PPFIBP1: variants seen among roughly 807,000 people sequenced by gnomAD.
PPFIBP1 encodes liprin-beta-1.
PPFIBP1 carries 112 observed loss-of-function variants against 137.8 expected under a neutral mutation model. That is an observed-to-expected ratio of 0.81 (90% CI 0.70 to 0.95). PPFIBP1 has a LOEUF of 0.95. Ranked by LOEUF, PPFIBP1 falls within the 40% of genes least tolerant of loss-of-function variation. The probability of loss-of-function intolerance (pLI) is 0.00; values close to 1 mark genes in which losing one functional copy is unlikely to be tolerated. For missense variants in PPFIBP1, 1,083 were observed against 1,196.6 expected (o/e 0.91, Z 1.40); for synonymous variants, 378 against 417.3 (o/e 0.91, Z 1.15).
At chr12:27,554,517 T>G (rs1947085438) in intron 1 of PPFIBP1, among the ~76,000 whole-genome samples, 1 of 152,084 alleles carries the variant, frequency 6.6e-6, no homozygotes, top group Admixed American at 6.5e-5. Context: ...TAAAGTGAAG[T>G]TGATAATGCT....
At chr12:27,667,797 C>T (rs1290730193) in intron 13 of PPFIBP1, among the ~76,000 whole-genome samples, 2 of 152,184 alleles carry the variant, frequency 1.3e-5, no homozygotes, top group Non-Finnish European at 2.9e-5. Context: ...GTGGTTGAGG[C>T]TGGCCTTTGG....
chr12:27,530,867 A>G (rs908149939), intron 1 of PPFIBP1, among the ~76,000 whole-genome samples: 1 of 152,184 alleles, frequency 6.6e-6, no homozygotes, highest in Non-Finnish European at 1.5e-5. Flanking sequence ...CGCGTGACCA[A>G]AGACAAGATG....
chr12:27,587,622 C>CAAAAAA (rs35185831), intron 2 of PPFIBP1, among the ~76,000 whole-genome samples: 3 of 73,508 alleles, frequency 4.1e-5, no homozygotes, highest in Admixed American at 3.5e-4. Context: ...GACTCCATCT[C>CAAAAAA]AAAAAAAAAA....
At position 27,567,679 on chromosome 12, in the gene PPFIBP1, A is replaced by G. The variant is rs181423917; in HGVS notation, c.-123-10473A>G. On this transcript the variant is annotated intron_variant, in intron 1 of 29. Coordinates refer to ENST00000228425, the MANE Select transcript of PPFIBP1 (RefSeq NM_003622.4). ...TGTTGGTACATCTTTGACATTTTCC[A>G]TAATGAAAGTTTCAGGAAAAAAAAT... is the stretch of plus-strand genomic sequence containing the variant. Among the ~76,000 whole-genome samples, 8 of 152,268 alleles carry G rather than the reference A, an allele frequency of 5.3e-5. No individual in the cohort carries two copies. In the East Asian group the frequency reaches 1.5e-3, roughly 29 times the overall value.
chr12:27,591,596 A>G (rs1441540691), intron 2 of PPFIBP1, among the ~76,000 whole-genome samples: 1 of 152,180 alleles, frequency 6.6e-6, no homozygotes, highest in African/African-American at 2.4e-5. Flanking sequence ...TTGTCTGGAG[A>G]GTTCCTCAGG....
intron 11 of PPFIBP1, among the ~76,000 whole-genome samples, chr12:27,662,235 C>T (rs566476732): frequency 1.3e-5 from 2 of 152,232 alleles, no homozygotes; most frequent in South Asian, 2.1e-4. Context: ...GTCTCGAGAC[C>T]AGGTTTGAAA....
At chr12:27,647,172 T>C (rs530507185) in intron 5 of PPFIBP1, among the ~76,000 whole-genome samples, 112 of 152,198 alleles carry the variant, frequency 7.4e-4, no homozygotes, top group African/African-American at 2.3e-3. Context: ...CAGCTAATTT[T>C]GTATTTTTAG....
chr12:27,679,814 T>A, intron 20 of PPFIBP1, 119 bp from the exon 21 acceptor site: 2 of 1,406,854 alleles, frequency 1.4e-6, no homozygotes, highest in Non-Finnish European at 1.9e-6. Flanking sequence ...AATTTAAATG[T>A]CTATGTTAAC....
Position 27,691,030 on chromosome 12 carries a change from G to A in PPFIBP1, c.2686-719G>A, listed in dbSNP as rs1184697839. Among the ~76,000 whole-genome samples the A allele has an allele frequency of 3.3e-5, 5 of 150,148 alleles. No homozygotes were observed. In the Admixed American group the frequency reaches 3.3e-4, roughly 10 times the overall value. ...TTTTTTTTACCCCCTCTATCTGCCT[G>A]AGTATCCAGTGACCAACCCAGTGAC... On this transcript the variant is annotated intron_variant, in intron 27 of 29. Transcript: ENST00000228425.
chr12:27,685,410 A>C (rs1406604594), intron 24 of PPFIBP1, among the ~76,000 whole-genome samples: 1 of 152,204 alleles, frequency 6.6e-6, no homozygotes, highest in African/African-American at 2.4e-5. Flanking sequence ...CACAGTTAGC[A>C]ATAGAAAGTC....
chr12:27,683,647 C>T (rs2061015306), intron 24 of PPFIBP1, among the ~76,000 whole-genome samples: 1 of 152,210 alleles, frequency 6.6e-6, no homozygotes, highest in South Asian at 2.1e-4. Flanking sequence ...TTCTAGCCCT[C>T]CAGCCAATGT....
chr12:27,629,491 A>G (rs948931055), intron 2 of PPFIBP1, among the ~76,000 whole-genome samples: 1 of 152,198 alleles, frequency 6.6e-6, no homozygotes. Context: ...TAAAAGTATC[A>G]TACAGTACAT....
chr12:27,666,760 C>T (rs574329027), intron 12 of PPFIBP1, among the ~76,000 whole-genome samples: 1 of 152,308 alleles, frequency 6.6e-6, no homozygotes, highest in East Asian at 1.9e-4. Flanking sequence ...TTAAATGGGA[C>T]TTTGTTGCTA....
intron 1 of PPFIBP1, among the ~76,000 whole-genome samples, chr12:27,557,746 A>T (rs930476100): frequency 1.3e-5 from 2 of 152,190 alleles, no homozygotes; most frequent in Non-Finnish European, 2.9e-5. Flanking sequence ...CACTGTTGGC[A>T]TAGTACATTT....
At chr12:27,569,491 T>C (rs879279446) in intron 1 of PPFIBP1, among the ~76,000 whole-genome samples, 1 of 152,100 alleles carries the variant, frequency 6.6e-6, no homozygotes. Context: ...TGTCAAAAAG[T>C]CTCCCTTCCT....
chr12:27,576,912 C>T (rs2050614736), intron 1 of PPFIBP1, among the ~76,000 whole-genome samples: 1 of 152,174 alleles, frequency 6.6e-6, no homozygotes, highest in Non-Finnish European at 1.5e-5. Flanking sequence ...GTCCTAGGAG[C>T]TCACTTTGAA....
chr12:27,693,002 G>T lies in PPFIBP1; in HGVS notation c.*120G>T. Reference sequence around the variant, plus strand: ...ATTGTTTGTTGTTCCAACTTCTGCTGTCGAGAAGTTTAAACAGAAAGCAGG... The same window carrying T: ...ATTGTTTGTTGTTCCAACTTCTGCTTTCGAGAAGTTTAAACAGAAAGCAGG... On this transcript the variant is annotated 3_prime_UTR_variant, in exon 30 of 30. Coordinates refer to ENST00000228425, the MANE Select transcript of PPFIBP1 (RefSeq NM_003622.4). The T allele has an allele frequency of 7.0e-7, 1 of 1,431,600 alleles. No individual in the cohort carries two copies. The highest frequency in any genetic ancestry group is 1.4e-5 in the African/African-American group (1 of 70,096). 88.7% of individuals were successfully genotyped at this position (1,431,600 alleles called of 1,614,324 possible). A position where few individuals can be genotyped will look rare whatever the true frequency, so the allele number is the denominator to read the frequency against.
At chr12:27,539,864 C>T (rs1363775519) in intron 1 of PPFIBP1, among the ~76,000 whole-genome samples, 2 of 151,904 alleles carry the variant, frequency 1.3e-5, no homozygotes, top group Admixed American at 6.6e-5. Context: ...TTTTTCTATT[C>T]CTATATTTTT....
chr12:27,661,627 A>G (rs1285362401), intron 11 of PPFIBP1, among the ~76,000 whole-genome samples: 1 of 152,234 alleles, frequency 6.6e-6, no homozygotes, highest in African/African-American at 2.4e-5. Context: ...AGCTGATGTC[A>G]TCAGAACTTC....
Sources: gnomAD v4.1 joint callset for allele counts (sites outside exome capture counted in the v4.1 genomes callset) on GRCh38, gnomAD v4.1.1 for gene constraint, MANE v1.5 for transcripts, NCBI Gene and HGNC (gene_info 2026-07-23, HGNC 2026-07-21) for gene names.